The following MILR1 variants were observed in gnomAD, a reference collection of about 807,000 sequenced individuals.
MILR1 encodes the protein allergin-1.
MILR1 carries 31 observed loss-of-function variants against 18.5 expected under a neutral mutation model. That is an observed-to-expected ratio of 1.68 (90% CI 1.26 to 2.26). The LOEUF (loss-of-function observed/expected upper bound fraction) is 2.26. MILR1 is among the 30% of genes most tolerant of loss of function. MILR1 has a pLI of 0.00. For missense variants in MILR1, 257 were observed against 157.4 expected (o/e 1.63, Z -3.38); for synonymous variants, 85 against 56.2 (o/e 1.51, Z -2.30).
chr17:64,492,548 A>G, the MILR1 span: 1 of 669,080 alleles, frequency 1.5e-6, no homozygotes, highest in Non-Finnish European at 2.6e-6. Context: ...TTGTATTTGT[A>G]TAATATATTA....
At chr17:64,451,289 G>A (rs1451710874) in intron 2 of MILR1, among the ~76,000 whole-genome samples, 5 of 151,874 alleles carry the variant, frequency 3.3e-5, no homozygotes, top group Admixed American at 6.6e-5. Context: ...ATACAGGTAC[G>A]CACCATCATG....
intron 3 of MILR1, among the ~76,000 whole-genome samples, chr17:64,453,703 C>A (rs1189488005): frequency 6.6e-6 from 1 of 151,864 alleles, no homozygotes; most frequent in African/African-American, 2.4e-5. Context: ...ATTTTCCTAC[C>A]CCAAGCCTGT....
the MILR1 span, chr17:64,491,533 T>C: frequency 2.6e-6 from 4 of 1,542,812 alleles, no homozygotes; most frequent in African/African-American, 2.7e-5. Flanking sequence ...ATGGAGTCAG[T>C]TGTACCAGTG....
intron 2 of MILR1, among the ~76,000 whole-genome samples, chr17:64,450,648 T>C (rs2037149564): frequency 6.6e-6 from 1 of 151,154 alleles, no homozygotes; most frequent in South Asian, 2.1e-4. Context: ...CCTGGGTAAT[T>C]TTTGTATTGT....
chr17:64,481,587 G>C, the MILR1 span: 1 of 231,636 alleles, frequency 4.3e-6, no homozygotes, highest in African/African-American at 2.3e-5. Context: ...GTTCAAAGGG[G>C]AAAGGCTGCG....
chr17:64,466,696 A>G, intron 8 of MILR1, 34 bp downstream of exon 8: 1 of 1,545,214 alleles, frequency 6.5e-7, no homozygotes, highest in Non-Finnish European at 8.8e-7. Flanking sequence ...GGTACTGGTG[A>G]AATGAGACAG....
chr17:64,469,042 G>A (rs1468787814), downstream of MILR1, among the ~76,000 whole-genome samples: 3 of 151,592 alleles, frequency 2.0e-5, no homozygotes, highest in Non-Finnish European at 4.4e-5. Flanking sequence ...AGCCAAGATC[G>A]CACCACAGCA....
Position 64,467,652 on chromosome 17 carries a change from T to C in MILR1, c.*28+7T>C. 6.6e-7 allele frequency: 1 copy of C among 1,512,924 alleles called. No individual in the cohort carries two copies. Among genetic ancestry groups the C allele is most frequent in the Non-Finnish European group, 9.0e-7 (1 of 1,108,038 alleles). The allele number at this position is 1,512,924 out of a possible 1,614,324, so 93.7% of individuals were successfully genotyped here. On this transcript the variant is annotated splice_region_variant and intron_variant, in intron 9 of 9. Coordinates refer to ENST00000619286, the MANE Select transcript of MILR1 (RefSeq NM_001085423.2). ...AAACAAACTACATCTCAGGGTAAGA[T>C]GCTTTTTATGAAGCTGATTTCCATG...
chr17:64,479,231 T>G, the MILR1 span, among the ~76,000 whole-genome samples: 3 of 149,984 alleles, frequency 2.0e-5, no homozygotes, highest in Non-Finnish European at 3.0e-5. Context: ...TCACCCAGGA[T>G]GGAGTGCAGT....
At chr17:64,453,536 CTTTTTTTTTT>C (rs35572128) in intron 3 of MILR1, among the ~76,000 whole-genome samples, 2 of 101,028 alleles carry the variant, frequency 2.0e-5, no homozygotes, top group African/African-American at 7.1e-5. Context: ...GCAAAAATCG[CTTTTTTTTTT>C]TTTTTTTTTT....
downstream of MILR1, among the ~76,000 whole-genome samples, chr17:64,471,950 T>G (rs1555664659): frequency 1.3e-5 from 2 of 152,152 alleles, no homozygotes; most frequent in African/African-American, 4.8e-5. Context: ...AGAATCACAT[T>G]AAAAAAGTTG....
At chr17:64,458,544 C>T (rs2037353696) in intron 4 of MILR1, among the ~76,000 whole-genome samples, 1 of 151,544 alleles carries the variant, frequency 6.6e-6, no homozygotes, top group African/African-American at 2.4e-5. Context: ...CCATGCCCTC[C>T]TGCTTGGCTG....
chr17:64,460,183 G>C (rs1237648272), intron 4 of MILR1, among the ~76,000 whole-genome samples: 2 of 151,432 alleles, frequency 1.3e-5, no homozygotes, highest in Non-Finnish European at 2.9e-5. Flanking sequence ...GCGCCACCAG[G>C]CCCAGCTAAT....
the MILR1 span, chr17:64,490,853 C>A: frequency 6.2e-7 from 1 of 1,613,694 alleles, no homozygotes; most frequent in Admixed American, 1.7e-5. Flanking sequence ...CTCCTAGGTT[C>A]CACAGGGTTT....
chr17:64,464,321 G>C (rs1450466234), intron 5 of MILR1, among the ~76,000 whole-genome samples: 7 of 149,880 alleles, frequency 4.7e-5, no homozygotes, highest in African/African-American at 1.7e-4. Context: ...TGTTTCCCAG[G>C]CTAGTCTTGA....
intron 3 of MILR1, among the ~76,000 whole-genome samples, chr17:64,456,355 T>C (rs1180245516): frequency 6.6e-6 from 1 of 152,164 alleles, no homozygotes; most frequent in Non-Finnish European, 1.5e-5. Context: ...GGTTTTTCTG[T>C]TAGGTCATAG....
At chr17:64,489,661 G>A in the MILR1 span, among the ~76,000 whole-genome samples, 1 of 152,088 alleles carries the variant, frequency 6.6e-6, no homozygotes, top group African/African-American at 2.4e-5. Flanking sequence ...TTGGGAGGCT[G>A]AGGCAGGATT....
At chr17:64,457,960 A>G (rs1227852113) in intron 4 of MILR1, among the ~76,000 whole-genome samples, 3 of 152,112 alleles carry the variant, frequency 2.0e-5, no homozygotes, top group Admixed American at 2.0e-4. Context: ...TTCTGCCATA[A>G]AGGAACCACA....
chr17:64,452,082 G>GTTTTTTTTTT (rs34558703), intron 2 of MILR1, among the ~76,000 whole-genome samples: 1 of 137,172 alleles, frequency 7.3e-6, no homozygotes, highest in Non-Finnish European at 1.6e-5. Context: ...TCCCAGCTAT[G>GTTTTTTTTTT]TTTTTTTTTT....
Sources: allele counts gnomAD v4.1 joint callset (sites outside exome capture counted in the v4.1 genomes callset), GRCh38; gene constraint gnomAD v4.1.1; transcripts MANE v1.5; gene names NCBI Gene and HGNC (gene_info 2026-07-23, HGNC 2026-07-21).